DMD: variants seen among roughly 807,000 people sequenced by gnomAD.
DMD encodes dystrophin, also known as mutant dystrophin.
A neutral mutation model predicts 330.1 loss-of-function variants in DMD; 63 were observed. The ratio of observed to expected loss-of-function variants is 0.19; its 90% CI spans 0.16 to 0.24. The LOEUF (loss-of-function observed/expected upper bound fraction) is 0.24. DMD is among the 10% of genes least tolerant of loss of function. The pLI is 1.00. For synonymous variants in DMD, 1,223 were observed against 959.8 expected, an observed-to-expected ratio of 1.27 and a Z score of -5.07; for missense variants, 3,344 against 2,684.1, an observed-to-expected ratio of 1.25 and a Z score of -5.43.
At chrX:32,506,286 A>G (rs2044612187) in intron 18 of DMD, among the ~76,000 whole-genome samples, 1 of 110,329 alleles carries the variant, frequency 9.1e-6, no homozygotes, top group Non-Finnish European at 1.9e-5. Context: ...GCCGGGTTAT[A>G]TGGGAAATTT....
chrX:31,911,157 T>A (rs1367507749), intron 47 of DMD, among the ~76,000 whole-genome samples: 1 of 112,155 alleles, frequency 8.9e-6, no homozygotes, highest in Admixed American at 9.4e-5. Context: ...TGCTTTCATG[T>A]CAGAGGTAAC....
At chrX:31,444,333 G>T (rs1017788872) in intron 60 of DMD, 148 bp downstream of exon 60, 16 of 657,114 alleles carry the variant, frequency 2.4e-5, no homozygotes, top group Non-Finnish European at 3.2e-5. Context: ...ATGTTTAGAT[G>T]GGAATTATAA....
chrX:32,786,448 G>A lies in DMD; in HGVS notation c.649+23045C>T, dbSNP rs145848060. On this transcript the variant is annotated intron_variant, in intron 7 of 78. Coordinates refer to ENST00000357033, the MANE Select transcript of DMD (RefSeq NM_004006.3). ...TCATAACTGGTGAGTGTCTCCCTTT[G>A]ATAACTTTAGTGTGGCTTGGATAGA... is the stretch of plus-strand genomic sequence containing the variant. 6.3e-3 allele frequency among the ~76,000 whole-genome samples: 697 copies of A among 110,878 alleles called. 4 individuals are homozygous for A. The highest frequency in any genetic ancestry group is 0.021 in the African/African-American group (629 of 30,537).
chrX:31,617,393 G>T (rs746630779), intron 55 of DMD, among the ~76,000 whole-genome samples: 2 of 110,271 alleles, frequency 1.8e-5, no homozygotes, highest in African/African-American at 6.6e-5. Flanking sequence ...AATTAGCCAG[G>T]CATGGTGGAA....
intron 60 of DMD, among the ~76,000 whole-genome samples, chrX:31,386,140 A>ACC (rs1455594786): frequency 5.4e-5 from 6 of 112,111 alleles, no homozygotes; most frequent in African/African-American, 1.9e-4. Flanking sequence ...AAAACCAAAC[A>ACC]TTGCATGTTC....
chrX:32,020,054 T>C (rs1354355622), intron 44 of DMD, among the ~76,000 whole-genome samples: 1 of 112,905 alleles, frequency 8.9e-6, no homozygotes, highest in Admixed American at 9.3e-5. Context: ...GGCTTTGAAA[T>C]TCACTAGTAG....
At chrX:33,033,337 A>C (rs988147495) in intron 1 of DMD, among the ~76,000 whole-genome samples, 1 of 109,114 alleles carries the variant, frequency 9.2e-6, no homozygotes, top group African/African-American at 3.4e-5. Flanking sequence ...CCCTCAGTGT[A>C]CATTGCCAAT....
chrX:31,215,193 G>A (rs891791816), intron 64 of DMD, among the ~76,000 whole-genome samples: 21 of 108,293 alleles, frequency 1.9e-4, no homozygotes, highest in African/African-American at 6.0e-4. Flanking sequence ...TGCCTGCCTC[G>A]GCCTCCCGAA....
At chrX:33,251,762 G>C (rs185662779) in intron 1 of DMD, among the ~76,000 whole-genome samples, 12 of 112,130 alleles carry the variant, frequency 1.1e-4, no homozygotes, top group Non-Finnish European at 1.9e-5. Flanking sequence ...AAAACCTGTG[G>C]TTGGCAGTGC....
chrX:32,968,398 G>A (rs1019129584), intron 2 of DMD, among the ~76,000 whole-genome samples: 3 of 111,508 alleles, frequency 2.7e-5, no homozygotes, highest in African/African-American at 9.8e-5. Flanking sequence ...TGAGAGGATC[G>A]AATTGCTTCA....
At position 32,473,529 on chromosome X, in the gene DMD, T is replaced by A. The variant is rs185389269; in HGVS notation, c.2804-1220A>T. 8.8e-3 allele frequency among the ~76,000 whole-genome samples: 988 copies of A among 111,835 alleles called. 6 individuals carry two copies. The highest frequency in any genetic ancestry group is 0.015 in the Non-Finnish European group (804 of 53,077). Reference sequence around the variant, plus strand: ...TTAATTGCTGGGATATGAATGTCATTTCAATATACCAATTCCTTCTACACT... The same window carrying A: ...TTAATTGCTGGGATATGAATGTCATATCAATATACCAATTCCTTCTACACT... On this transcript the variant is annotated intron_variant, in intron 21 of 78. Transcript: ENST00000357033.
At chrX:32,933,819 G>A (rs1429216909) in intron 2 of DMD, among the ~76,000 whole-genome samples, 1 of 111,716 alleles carries the variant, frequency 9.0e-6, no homozygotes, top group Non-Finnish European at 1.9e-5. Flanking sequence ...GTCCTAAAGA[G>A]ATAGATGCAC....
At position 31,836,839 on chromosome X, in the gene DMD, T is replaced by C. The variant is rs72466591; in HGVS notation, c.7099-20A>G. 5.2e-6 allele frequency: 6 copies of C among 1,142,861 alleles called. No individual in the cohort carries two copies. In the African/African-American group the frequency reaches 5.4e-5, roughly 10 times the overall value. 94.2% of individuals were successfully genotyped at this position (1,142,861 alleles called of 1,213,427 possible). A position where few individuals can be genotyped will look rare whatever the true frequency, so the allele number is the denominator to read the frequency against. ...AGTTTCCTGGGGAAAAGAACCCATATAGTGCAGATTAACTTCACAGTTAGC... is the reference window on the plus strand; with the variant it reads ...AGTTTCCTGGGGAAAAGAACCCATACAGTGCAGATTAACTTCACAGTTAGC... On this transcript the variant is annotated intron_variant, in intron 48 of 78. Transcript: ENST00000357033.
chrX:32,619,528 T>C (rs1315562698), intron 11 of DMD, among the ~76,000 whole-genome samples: 3 of 112,177 alleles, frequency 2.7e-5, no homozygotes, highest in East Asian at 2.8e-4. Context: ...TTCCACAATA[T>C]ATATTTACTC....
intron 1 of DMD, among the ~76,000 whole-genome samples, chrX:33,121,164 G>T (rs866949395): frequency 8.3e-4 from 91 of 109,698 alleles, no homozygotes; most frequent in African/African-American, 2.8e-3. Context: ...TTTTTTACTG[G>T]TTCCTCAAAT....
At chrX:32,005,897 C>CT (rs1438253111) in intron 44 of DMD, among the ~76,000 whole-genome samples, 1 of 111,315 alleles carries the variant, frequency 9.0e-6, no homozygotes, top group African/African-American at 3.3e-5. Flanking sequence ...AATTTCCTGA[C>CT]AAGTATTTTA....
Position 31,516,904 on chromosome X carries a change from G to A in DMD, c.8218-9451C>T, listed in dbSNP as rs376885304. On this transcript the variant is annotated intron_variant, in intron 55 of 78. Transcript: ENST00000357033. Reference sequence around the variant, plus strand: ...GCCTGGCCTAGGGTGGATTACCCCCGGAGGAAACTGTCAAACCGCCTTAAG... The same window carrying A: ...GCCTGGCCTAGGGTGGATTACCCCCAGAGGAAACTGTCAAACCGCCTTAAG... 5.8e-4 allele frequency among the ~76,000 whole-genome samples: 65 copies of A among 111,219 alleles called. No individual in the cohort carries two copies. The South Asian group carries it at 6.1e-3, about 10-fold the overall frequency.
chrX:32,153,870 A>G (rs1002943013), intron 44 of DMD, among the ~76,000 whole-genome samples: 1 of 112,412 alleles, frequency 8.9e-6, no homozygotes, highest in African/African-American at 3.2e-5. Context: ...CGCTGCCTCC[A>G]TGGCAGAAAC....
At chrX:31,125,986 T>A (rs1849844036) in intron 78 of DMD, among the ~76,000 whole-genome samples, 1 of 111,522 alleles carries the variant, frequency 9.0e-6, no homozygotes, top group Admixed American at 9.5e-5. Flanking sequence ...CTTGGCTCTG[T>A]CACCTGGGAC....
Sources: gnomAD v4.1 joint callset for allele counts (sites outside exome capture counted in the v4.1 genomes callset) on GRCh38, gnomAD v4.1.1 for gene constraint, MANE v1.5 for transcripts, NCBI Gene and HGNC (gene_info 2026-07-23, HGNC 2026-07-21) for gene names.